AGBL3: variants seen among roughly 807,000 people sequenced by gnomAD.
AGBL3 encodes AGBL carboxypeptidase 3, also known as cytosolic carboxypeptidase 3.
A neutral mutation model predicts 94.5 loss-of-function variants in AGBL3; 68 were observed. The observed-to-expected ratio is 0.72, with a 90% CI of 0.59 to 0.88. The LOEUF is 0.88. Ranked by LOEUF, AGBL3 falls within the 40% of genes least tolerant of loss-of-function variation. The probability of loss-of-function intolerance (pLI) is 0.00; values close to 1 mark genes in which losing one functional copy is unlikely to be tolerated. For synonymous variants in AGBL3, 354 were observed against 370.7 expected (o/e 0.95, Z 0.52); for missense variants, 934 against 1,103.8 (o/e 0.85, Z 2.18).
intron 5 of AGBL3, among the ~76,000 whole-genome samples, chr7:135,029,895 A>G (rs1311376365): frequency 1.3e-5 from 2 of 152,198 alleles, no homozygotes; most frequent in Middle Eastern, 3.2e-3. Flanking sequence ...GCCCAAGGAA[A>G]GGGAGAAAGA....
Position 135,045,555 on chromosome 7 carries a change from G to A in AGBL3, c.1709G>A (p.Cys570Tyr). The A allele has an allele frequency of 6.4e-7, 1 of 1,551,088 alleles. No individual in the cohort carries two copies. Among genetic ancestry groups the A allele is most frequent in the Non-Finnish European group, 8.7e-7 (1 of 1,146,588 alleles). ...TTTTGTGATTCTCTCTTGGATTATT[G>A]TGATCCCGACCGGACCAAGGTAAGC... ...YHFCDSLLDY[C>Y]DPDRTKYYRC... Residue 570 changes from cysteine to tyrosine, a missense_variant, in exon 10 of 17, where the codon TGT becomes TAT. By Grantham distance (194) the Cys-to-Tyr change is radical. This residue lies in a region of AGBL3 where 441 missense variants were observed against 518.2 expected (regional missense o/e 0.85). Coordinates refer to ENST00000436302, the MANE Select transcript of AGBL3 (RefSeq NM_178563.4).
intron 16 of AGBL3, among the ~76,000 whole-genome samples, chr7:135,118,961 C>G (rs1440491608): frequency 2.0e-5 from 3 of 151,946 alleles, no homozygotes; most frequent in Admixed American, 1.3e-4. Context: ...ATAGAAATTA[C>G]CCAACTGAAC....
intron 16 of AGBL3, among the ~76,000 whole-genome samples, chr7:135,134,132 T>C (rs1025634687): frequency 6.6e-6 from 1 of 152,268 alleles, no homozygotes; most frequent in Admixed American, 6.5e-5. Flanking sequence ...CAGTGTTCTC[T>C]ATCTTGACTA....
At chr7:135,020,641 A>G (rs1351580131) in intron 5 of AGBL3, among the ~76,000 whole-genome samples, 6 of 152,152 alleles carry the variant, frequency 3.9e-5, no homozygotes, top group Non-Finnish European at 8.8e-5. Flanking sequence ...TCACAATAGC[A>G]AAGTCTTGGA....
rs746320403 is a variant in AGBL3, at chr7:135,034,912, C to T, written c.1321C>T (p.Arg441Trp). The change falls in exon 7 of 17, where the codon CGG becomes TGG. Residue 441 changes from arginine to tryptophan, a missense_variant. By Grantham distance (101) the Arg-to-Trp change is moderately radical. Transcript: ENST00000436302. Reference protein sequence around the residue: ...KESFPSVWYTRNMVHRLMEKR... With the variant: ...KESFPSVWYTWNMVHRLMEKR... ...ATCTTTTCCTTCTGTATGGTATACC[C>T]GGAACATGGTTCATAGGTAAAATAA... The T allele has an allele frequency of 1.6e-5, 25 of 1,519,852 alleles. No homozygotes were observed. Among genetic ancestry groups the T allele is most frequent in the East Asian group, 1.2e-4 (5 of 40,714 alleles). The allele number at this position is 1,519,852 out of a possible 1,614,324, so 94.1% of individuals were successfully genotyped here.
chr7:135,049,279 A>C (rs1817663943), intron 11 of AGBL3, among the ~76,000 whole-genome samples: 1 of 151,872 alleles, frequency 6.6e-6, no homozygotes, highest in African/African-American at 2.4e-5. Flanking sequence ...AATCCCACTT[A>C]GTCATGGTGG....
At chr7:135,078,146 C>T (rs1011246089) in intron 13 of AGBL3, among the ~76,000 whole-genome samples, 1 of 152,204 alleles carries the variant, frequency 6.6e-6, no homozygotes, top group African/African-American at 2.4e-5. Flanking sequence ...AAACACTGAC[C>T]TCTGCAACTA....
intron 15 of AGBL3, among the ~76,000 whole-genome samples, chr7:135,100,819 G>T (rs921753438): frequency 2.0e-5 from 3 of 152,180 alleles, no homozygotes; most frequent in African/African-American, 7.2e-5. Flanking sequence ...AGATGTGAAT[G>T]CTACACCCAC....
chr7:135,043,989 GAAC>G lies in AGBL3; in HGVS notation c.1501-32_1501-30del, dbSNP rs749374005. 7.7e-5 allele frequency: 119 copies of G among 1,536,322 alleles called. 1 individual carries two copies. Among genetic ancestry groups the G allele is most frequent in the Non-Finnish European group, 9.1e-5 (103 of 1,137,866 alleles). ...CTTTCAAAAAAAGATATCGGTACCA[GAAC>G]AACGAGTCTCATTTTTATTTGCTGC... On this transcript the variant is annotated intron_variant, in intron 8 of 16. Transcript: ENST00000436302.
chr7:135,069,688 C>A (rs1437548724), intron 12 of AGBL3, among the ~76,000 whole-genome samples: 7 of 151,990 alleles, frequency 4.6e-5, no homozygotes, highest in Non-Finnish European at 1.0e-4. Flanking sequence ...AGAACAAAGA[C>A]AAAACATACA....
At chr7:135,128,886 G>T in intron 16 of AGBL3, 1 of 1,378,446 alleles carries the variant, frequency 7.3e-7, no homozygotes, top group Non-Finnish European at 1.0e-6. Context: ...CTTTGATCAA[G>T]CTCAGCAGAT....
Position 135,016,436 on chromosome 7 carries a change from T to TA in AGBL3, c.311-605dup, listed in dbSNP as rs1028957587. Among the ~76,000 whole-genome samples the TA allele has an allele frequency of 7.2e-3, 1,056 of 146,760 alleles. 7 individuals are homozygous for TA. Among genetic ancestry groups the TA allele is most frequent in the African/African-American group, 9.9e-3 (397 of 40,298 alleles). ...GTTTGTCATCAAATTCTTCGTTCAT[T>TA]AAAAAAAAAAATACAAATAACTAGG... On this transcript the variant is annotated intron_variant, in intron 4 of 16. Transcript: ENST00000436302.
At chr7:135,017,666 G>A (rs1266760770) in intron 5 of AGBL3, among the ~76,000 whole-genome samples, 1 of 151,540 alleles carries the variant, frequency 6.6e-6, no homozygotes, top group Non-Finnish European at 1.5e-5. Context: ...GCATAAGGAA[G>A]TATAGACTCC....
intron 15 of AGBL3, among the ~76,000 whole-genome samples, chr7:135,113,554 A>T (rs1825923485): frequency 6.6e-6 from 1 of 152,238 alleles, no homozygotes; most frequent in Admixed American, 6.5e-5. Flanking sequence ...GACCAATTTA[A>T]GCATGACAAT....
At chr7:135,089,135 G>A (rs985659294) in intron 15 of AGBL3, among the ~76,000 whole-genome samples, 1 of 150,258 alleles carries the variant, frequency 6.7e-6, no homozygotes, top group Non-Finnish European at 1.5e-5. Context: ...TCTTTCTTCT[G>A]CTTAAATCTG....
intron 5 of AGBL3, among the ~76,000 whole-genome samples, chr7:135,028,853 T>C (rs1276593379): frequency 6.6e-6 from 1 of 152,218 alleles, no homozygotes; most frequent in African/African-American, 2.4e-5. Flanking sequence ...AAATTACTTC[T>C]TGATCCATGG....
intron 15 of AGBL3, among the ~76,000 whole-genome samples, chr7:135,104,096 T>G (rs1170456383): frequency 6.6e-6 from 1 of 152,110 alleles, no homozygotes; most frequent in Non-Finnish European, 1.5e-5. Context: ...GGCCCCAGTG[T>G]CTGTTGTTCC....
intron 3 of AGBL3, among the ~76,000 whole-genome samples, chr7:134,993,143 T>C (rs1281309356): frequency 6.6e-6 from 1 of 152,220 alleles, no homozygotes; most frequent in Non-Finnish European, 1.5e-5. Context: ...GGTGAGGAAT[T>C]ATAGTTCATC....
At chr7:135,083,940 T>G (rs1563248569) in intron 15 of AGBL3, among the ~76,000 whole-genome samples, 1 of 152,148 alleles carries the variant, frequency 6.6e-6, no homozygotes, top group East Asian at 1.9e-4. Context: ...CATTGATGAC[T>G]TGCAGACCAC....
Sources: gnomAD v4.1 joint callset for allele counts (sites outside exome capture counted in the v4.1 genomes callset) on GRCh38, gnomAD v4.1.1 for gene constraint, gnomAD v4.1.1 regional missense constraint, MANE v1.5 for transcripts, NCBI Gene and HGNC (gene_info 2026-07-23, HGNC 2026-07-21) for gene names.